IL1RAPL2: variants seen among roughly 807,000 people sequenced by gnomAD.
IL1RAPL2 encodes the protein interleukin 1 receptor accessory protein like 2, also known as X-linked interleukin-1 receptor accessory protein-like 2.
IL1RAPL2 carries 3 observed loss-of-function variants against 44.1 expected under a neutral mutation model. That is an observed-to-expected ratio of 0.07 (90% confidence interval 0.03 to 0.18). IL1RAPL2 has a LOEUF of 0.18. IL1RAPL2 is among the 10% of genes least tolerant of loss of function. The pLI is 1.00. For missense variants in IL1RAPL2, 391 were observed against 496.4 expected, an observed-to-expected ratio of 0.79 and a Z score of 2.02; for synonymous variants, 181 against 178.8, an observed-to-expected ratio of 1.01 and a Z score of -0.10.
chrX:105,722,546 A>T (rs764233589), intron 7 of IL1RAPL2, among the ~76,000 whole-genome samples: 9 of 111,942 alleles, frequency 8.0e-5, no homozygotes, highest in Non-Finnish European at 1.5e-4. Flanking sequence ...GTGAACCAAG[A>T]GAAGATTCAC....
intron 2 of IL1RAPL2, among the ~76,000 whole-genome samples, chrX:105,103,615 A>G (rs752782814): frequency 1.8e-5 from 2 of 112,169 alleles, no homozygotes; most frequent in Non-Finnish European, 3.8e-5. Context: ...TAAAAAGTAT[A>G]TATGTGTGGG....
chrX:105,595,619 T>C (rs962127708), intron 6 of IL1RAPL2, among the ~76,000 whole-genome samples: 2 of 111,561 alleles, frequency 1.8e-5, no homozygotes, highest in Non-Finnish European at 3.8e-5. Flanking sequence ...GTTTGTTTGT[T>C]TGTTTGTTTT....
chrX:105,719,286 C>CA (rs964715264), intron 7 of IL1RAPL2, among the ~76,000 whole-genome samples: 5 of 110,069 alleles, frequency 4.5e-5, no homozygotes, highest in Non-Finnish European at 7.6e-5. Context: ...AAGCCAGAAA[C>CA]AAAAAAAACA....
intron 6 of IL1RAPL2, among the ~76,000 whole-genome samples, chrX:105,568,256 T>G (rs1407254520): frequency 1.8e-5 from 2 of 111,705 alleles, no homozygotes; most frequent in Non-Finnish European, 3.8e-5. Flanking sequence ...TGCTCTTCTT[T>G]CTTCAAGCAG....
At chrX:104,683,151 C>A (rs1783055071) in intron 2 of IL1RAPL2, among the ~76,000 whole-genome samples, 1 of 111,498 alleles carries the variant, frequency 9.0e-6, no homozygotes, top group Non-Finnish European at 1.9e-5. Context: ...TGCCCTACTG[C>A]ACAATCTTCC....
chrX:105,143,547 A>C (rs925180077), intron 2 of IL1RAPL2, among the ~76,000 whole-genome samples: 1 of 112,020 alleles, frequency 8.9e-6, no homozygotes, highest in East Asian at 2.8e-4. Context: ...CGATTCCTCA[A>C]GGATCTAGAA....
intron 3 of IL1RAPL2, among the ~76,000 whole-genome samples, chrX:105,226,132 G>C (rs2034012077): frequency 9.0e-6 from 1 of 111,053 alleles, no homozygotes; most frequent in African/African-American, 3.3e-5. Context: ...CTTAAGCTTG[G>C]GGTTCTTCTG....
At chrX:105,324,487 A>G (rs1321479287) in intron 5 of IL1RAPL2, among the ~76,000 whole-genome samples, 1 of 111,910 alleles carries the variant, frequency 8.9e-6, no homozygotes, top group Non-Finnish European at 1.9e-5. Context: ...GAAATCCTGT[A>G]GCATGCTATC....
chrX:105,677,850 T>G (rs1442172501), intron 6 of IL1RAPL2, among the ~76,000 whole-genome samples: 1 of 112,086 alleles, frequency 8.9e-6, no homozygotes, highest in Non-Finnish European at 1.9e-5. Context: ...GGAAGTTAAA[T>G]AATGTTCTGA....
chrX:105,228,583 G>C (rs1971921524), intron 3 of IL1RAPL2, among the ~76,000 whole-genome samples: 1 of 112,193 alleles, frequency 8.9e-6, no homozygotes, highest in Admixed American at 9.5e-5. Context: ...ACCTAAACAA[G>C]CTAACATTAA....
chrX:105,243,253 G>A (rs1198835652), intron 4 of IL1RAPL2, among the ~76,000 whole-genome samples: 1 of 110,726 alleles, frequency 9.0e-6, no homozygotes, highest in African/African-American at 3.3e-5. Flanking sequence ...GATAGTGAGT[G>A]AGTTCTCACA....
At chrX:105,440,510 T>A (rs1188576253) in intron 5 of IL1RAPL2, among the ~76,000 whole-genome samples, 1 of 111,818 alleles carries the variant, frequency 8.9e-6, no homozygotes, top group Non-Finnish European at 1.9e-5. Context: ...AAGGCTACAT[T>A]GCTCTGATAT....
At chrX:105,526,207 A>G (rs1416252178) in intron 6 of IL1RAPL2, among the ~76,000 whole-genome samples, 1 of 103,545 alleles carries the variant, frequency 9.7e-6, no homozygotes, top group African/African-American at 4.3e-5. Flanking sequence ...CTTATTTTTC[A>G]TAGTTTTAGA....
At chrX:105,748,840 A>T in intron 8 of IL1RAPL2, 120 bp from the exon 9 acceptor site, 1 of 666,745 alleles carries the variant, frequency 1.5e-6, no homozygotes, top group Non-Finnish European at 2.2e-6. Context: ...CTACTGCATT[A>T]AGCAAGAATT....
chrX:104,727,668 GA>G (rs951760445), intron 2 of IL1RAPL2, among the ~76,000 whole-genome samples: 2 of 111,532 alleles, frequency 1.8e-5, no homozygotes, highest in Non-Finnish European at 3.8e-5. Context: ...CAACAGCAAA[GA>G]TATGAAATCA....
intron 3 of IL1RAPL2, among the ~76,000 whole-genome samples, chrX:105,198,579 C>T (rs782766659): frequency 6.2e-5 from 7 of 112,214 alleles, no homozygotes; most frequent in African/African-American, 2.3e-4. Context: ...AATAGTGGTA[C>T]ATTATTATTA....
At chrX:105,314,855 C>T (rs2034825252) in intron 5 of IL1RAPL2, among the ~76,000 whole-genome samples, 1 of 111,517 alleles carries the variant, frequency 9.0e-6, no homozygotes, top group South Asian at 3.8e-4. Flanking sequence ...TATTCTAGTT[C>T]TCTAGGGAAG....
chrX:105,764,346 T>TC (rs2038711915), intron 10 of IL1RAPL2, among the ~76,000 whole-genome samples: 1 of 111,581 alleles, frequency 9.0e-6, no homozygotes, highest in Non-Finnish European at 1.9e-5. Context: ...GAACCATACT[T>TC]ATGGAGGGAA....
At chrX:104,998,519 A>G (rs1411918565) in intron 2 of IL1RAPL2, among the ~76,000 whole-genome samples, 1 of 111,640 alleles carries the variant, frequency 9.0e-6, no homozygotes, top group East Asian at 2.9e-4. Flanking sequence ...CATGCCTGTA[A>G]TCTTCACACT....
Sources: allele counts gnomAD v4.1 joint callset (sites outside exome capture counted in the v4.1 genomes callset), GRCh38; gene constraint gnomAD v4.1.1; transcripts MANE v1.5; gene names NCBI Gene and HGNC (gene_info 2026-07-23, HGNC 2026-07-21).